The following LINGO2 variants were observed in gnomAD, a reference collection of about 807,000 sequenced individuals.
LINGO2 encodes the protein leucine-rich repeat and immunoglobulin-like domain-containing nogo receptor-interacting protein 2.
A neutral mutation model predicts 30.6 loss-of-function variants in LINGO2; 14 were observed. The ratio of observed to expected loss-of-function variants is 0.46; its 90% CI spans 0.30 to 0.72. LINGO2 has a LOEUF of 0.72. Among genes scored for constraint, LINGO2 ranks in the 30% least tolerant of loss-of-function variants. LINGO2 has a pLI of 0.07. For missense variants in LINGO2, 729 were observed against 751.7 expected, an observed-to-expected ratio of 0.97 and a Z score of 0.35; for synonymous variants, 317 against 288.5, an observed-to-expected ratio of 1.10 and a Z score of -1.00.
intron 1 of LINGO2, among the ~76,000 whole-genome samples, chr9:28,572,583 A>G (rs1239550680): frequency 1.3e-5 from 2 of 152,138 alleles, no homozygotes; most frequent in Non-Finnish European, 2.9e-5. Context: ...AATAAGTTAT[A>G]TAAAATCCAC....
intron 4 of LINGO2, among the ~76,000 whole-genome samples, chr9:28,053,757 AAG>A (rs1158934072): frequency 6.6e-6 from 1 of 152,102 alleles, no homozygotes; most frequent in Non-Finnish European, 1.5e-5. Flanking sequence ...TAATTTTTAA[AAG>A]AACGTAAATA....
chr9:27,996,757 C>T (rs369905597), intron 5 of LINGO2, among the ~76,000 whole-genome samples: 2 of 152,136 alleles, frequency 1.3e-5, no homozygotes, highest in South Asian at 2.1e-4. Flanking sequence ...AGAAGATTTG[C>T]AACATTCCAC....
At chr9:28,340,678 G>A (rs1207206827) in intron 3 of LINGO2, among the ~76,000 whole-genome samples, 1 of 152,038 alleles carries the variant, frequency 6.6e-6, no homozygotes, top group Admixed American at 6.6e-5. Context: ...AGTAGAGTTT[G>A]GCTAATTTCT....
chr9:28,398,991 T>C (rs1822158767), intron 2 of LINGO2, among the ~76,000 whole-genome samples: 1 of 152,170 alleles, frequency 6.6e-6, no homozygotes, highest in South Asian at 2.1e-4. Flanking sequence ...ATTTCTGTCT[T>C]TGTAGGACAA....
the LINGO2 span, among the ~76,000 whole-genome samples, chr9:28,704,195 T>TTATA: frequency 2.0e-5 from 3 of 151,676 alleles, no homozygotes; most frequent in African/African-American, 7.3e-5. Context: ...TTTTGAAGGG[T>TTATA]GAATTCTAGG....
In LINGO2 at chr9:28,637,679, G is replaced by A. The variant is rs1379107294; in HGVS notation, c.-365+32521C>T. ...TTTTTGCACATTGATTTTGAATCCT[G>A]AGACTTTGCTGAAGTTGCTTATCAG... On this transcript the variant is annotated intron_variant, in intron 1 of 5. Coordinates refer to ENST00000379992, the Ensembl canonical transcript of LINGO2. Among the ~76,000 whole-genome samples, 8 of 152,174 alleles carry A rather than the reference G, an allele frequency of 5.3e-5. No homozygotes were observed. In the East Asian group the frequency reaches 1.5e-3, roughly 29 times the overall value.
At chr9:29,036,590 A>T in the LINGO2 span, among the ~76,000 whole-genome samples, 5 of 152,080 alleles carry the variant, frequency 3.3e-5, no homozygotes, top group Non-Finnish European at 7.4e-5. Context: ...GTCTGTATTC[A>T]ACATGGAAGA....
chr9:28,012,693 T>C (rs1035561816), intron 4 of LINGO2, among the ~76,000 whole-genome samples: 5 of 152,116 alleles, frequency 3.3e-5, no homozygotes, highest in Non-Finnish European at 7.4e-5. Flanking sequence ...TCATCAGTTA[T>C]TTCAGTTGGG....
At chr9:29,108,624 C>T in the LINGO2 span, among the ~76,000 whole-genome samples, 12 of 152,152 alleles carry the variant, frequency 7.9e-5, no homozygotes, top group African/African-American at 2.2e-4. Flanking sequence ...CAAATTAGAT[C>T]TCATTCCCTA....
the LINGO2 span, among the ~76,000 whole-genome samples, chr9:28,790,222 C>T: frequency 6.6e-6 from 1 of 151,972 alleles, no homozygotes; most frequent in Non-Finnish European, 1.5e-5. Context: ...TTTAGTAGTC[C>T]TCTCACCTGA....
At chr9:28,278,798 C>A (rs540119657) in intron 4 of LINGO2, among the ~76,000 whole-genome samples, 2 of 152,232 alleles carry the variant, frequency 1.3e-5, no homozygotes, top group African/African-American at 4.8e-5. Context: ...GTAGTTTTGA[C>A]TTTTAGGTTT....
At chr9:27,951,594 G>A (rs960692736) in intron 5 of LINGO2, among the ~76,000 whole-genome samples, 1 of 152,120 alleles carries the variant, frequency 6.6e-6, no homozygotes, top group Admixed American at 6.5e-5. Flanking sequence ...TAGCAAATGA[G>A]AAGGGAAATG....
At chr9:28,258,758 T>C (rs1025576595) in intron 4 of LINGO2, among the ~76,000 whole-genome samples, 3 of 151,944 alleles carry the variant, frequency 2.0e-5, no homozygotes, top group Non-Finnish European at 1.5e-5. Flanking sequence ...ATTTTTACCC[T>C]TCTTATCTGT....
chr9:28,207,979 T>C lies in LINGO2; in HGVS notation c.-87+87229A>G, dbSNP rs1820466501. The stretch of plus-strand genomic sequence containing the variant: ...ATAAGTAGATTGGAAATTCAAAGTC[T>C]GCTTTTTGGCTTATGTGAATATTAC... On this transcript the variant is annotated intron_variant, in intron 4 of 5. Coordinates refer to ENST00000379992, the Ensembl canonical transcript of LINGO2. Among the ~76,000 whole-genome samples, 4 of 152,174 alleles carry C rather than the reference T, an allele frequency of 2.6e-5. 1 individual carries two copies. The South Asian group carries it at 8.3e-4, about 32-fold the overall frequency.
chr9:28,718,491 T>C, the LINGO2 span, among the ~76,000 whole-genome samples: 2 of 152,092 alleles, frequency 1.3e-5, no homozygotes, highest in Non-Finnish European at 2.9e-5. Context: ...TATCATGGCC[T>C]GATTACTTAC....
chr9:28,531,048 A>AATATATATATATAT (rs543973777), intron 1 of LINGO2, among the ~76,000 whole-genome samples: 39 of 146,448 alleles, frequency 2.7e-4, no homozygotes, highest in African/African-American at 9.2e-4. Flanking sequence ...TATAAAAATA[A>AATATATATATATAT]ATATATATAT....
chr9:28,956,221 G>T, the LINGO2 span, among the ~76,000 whole-genome samples: 1 of 151,954 alleles, frequency 6.6e-6, no homozygotes, highest in Non-Finnish European at 1.5e-5. Context: ...AGGCAACTTG[G>T]TATCAAGTGT....
intron 4 of LINGO2, among the ~76,000 whole-genome samples, chr9:28,166,392 G>A (rs879027244): frequency 9.2e-5 from 14 of 152,136 alleles, no homozygotes; most frequent in African/African-American, 1.7e-4. Context: ...GGTACCTACC[G>A]GATGCATTTG....
chr9:28,393,172 T>TCTA (rs1821904103), intron 2 of LINGO2, among the ~76,000 whole-genome samples: 1 of 152,226 alleles, frequency 6.6e-6, no homozygotes, highest in African/African-American at 2.4e-5. Flanking sequence ...AATTCTTATA[T>TCTA]CTGTCCTGTA....
Sources: gnomAD v4.1 joint callset for allele counts (sites outside exome capture counted in the v4.1 genomes callset) on GRCh38, gnomAD v4.1.1 for gene constraint, MANE v1.5 for transcripts, NCBI Gene and HGNC (gene_info 2026-07-23, HGNC 2026-07-21) for gene names.